Variants in XNDC1N observed in about 807,000 individuals in gnomAD.
The protein encoded by XNDC1N is XRCC1 N-terminal domain containing 1, N-terminal like.
the XNDC1N span, among the ~76,000 whole-genome samples, chr11:71,888,185 G>A: frequency 4.7e-4 from 72 of 151,996 alleles, no homozygotes; most frequent in Admixed American, 3.0e-3. Context: ...GTGTCCAAGA[G>A]GAAAGCTCAG....
At chr11:71,888,417 C>A in the XNDC1N span, among the ~76,000 whole-genome samples, 4 of 152,004 alleles carry the variant, frequency 2.6e-5, no homozygotes, top group Non-Finnish European at 5.9e-5. Context: ...GGGCGGGGAC[C>A]GGGAAACTTT....
At chr11:71,900,504 C>G in the XNDC1N span, among the ~76,000 whole-genome samples, 2 of 152,138 alleles carry the variant, frequency 1.3e-5, no homozygotes, top group East Asian at 1.9e-4. Context: ...GCAGACTGTG[C>G]AGTTTCTGTT....
chr11:71,868,799 C>T, the XNDC1N span, among the ~76,000 whole-genome samples: 1 of 152,140 alleles, frequency 6.6e-6, no homozygotes, highest in Non-Finnish European at 1.5e-5. Context: ...GGGTTCTCTG[C>T]ATTTCCTAAA....
chr11:71,903,546 GGCCTACGACCAGTTT>G, the XNDC1N span: 2 of 689,974 alleles, frequency 2.9e-6, no homozygotes, highest in Non-Finnish European at 5.3e-6. Context: ...TGAGTGTGAT[GGCCTACGACCAGTTT>G]GTAGCCATCT....
the XNDC1N span, among the ~76,000 whole-genome samples, chr11:71,907,341 G>A: frequency 2.6e-5 from 4 of 151,546 alleles, no homozygotes; most frequent in Admixed American, 6.5e-5. Context: ...CCCATCGCAG[G>A]GGGGTGAGGC....
At chr11:71,886,822 C>T in the XNDC1N span, among the ~76,000 whole-genome samples, 4 of 152,122 alleles carry the variant, frequency 2.6e-5, no homozygotes, top group Non-Finnish European at 5.9e-5. Context: ...GGAGGTCAGG[C>T]CCGGCGATAT....
the XNDC1N span, among the ~76,000 whole-genome samples, chr11:71,919,929 CTTTTTTTTTTTTTTTTTTTTTTTTTTTT>C: frequency 0.022 from 589 of 26,638 alleles, 17 homozygotes; most frequent in Middle Eastern, 0.075. Flanking sequence ...AAGCAGGCCT[CTTTTTTTTTTTTTTTTTTTTTTTTTTTT>C]TTTTTTTTTT....
the XNDC1N span, among the ~76,000 whole-genome samples, chr11:71,923,668 G>T: frequency 5.3e-5 from 8 of 151,666 alleles, no homozygotes; most frequent in East Asian, 1.5e-3. Flanking sequence ...CCATTCTCCT[G>T]CTTCAGCCTC....
the XNDC1N span, chr11:71,928,241 G>A: frequency 1.8e-6 from 1 of 546,212 alleles, no homozygotes; most frequent in Non-Finnish European, 3.3e-6. Context: ...AGTTTCGGGA[G>A]CTCAAGCCGC....
At chr11:71,922,101 G>A in the XNDC1N span, among the ~76,000 whole-genome samples, 570 of 152,042 alleles carry the variant, frequency 3.7e-3, 4 homozygotes, top group African/African-American at 0.013. Flanking sequence ...CAGAGGTTGT[G>A]GTGAGCCGAG....
chr11:71,871,087 A>T, the XNDC1N span, among the ~76,000 whole-genome samples: 1 of 152,232 alleles, frequency 6.6e-6, no homozygotes, highest in South Asian at 2.1e-4. Flanking sequence ...TTCCATGTTC[A>T]TTGCAGCACT....
the XNDC1N span, among the ~76,000 whole-genome samples, chr11:71,920,856 T>C: frequency 6.6e-6 from 1 of 152,162 alleles, no homozygotes; most frequent in South Asian, 2.1e-4. Flanking sequence ...TTTCAGCTAC[T>C]TGGGGGGCCA....
At chr11:71,896,593 C>T in the XNDC1N span, among the ~76,000 whole-genome samples, 37 of 152,168 alleles carry the variant, frequency 2.4e-4, no homozygotes, top group Non-Finnish European at 7.4e-5. Context: ...GATGGAGTTT[C>T]ACTCTTGTTG....
chr11:71,885,102 T>G, the XNDC1N span, among the ~76,000 whole-genome samples: 1 of 152,108 alleles, frequency 6.6e-6, no homozygotes, highest in Non-Finnish European at 1.5e-5. Context: ...GTGTACACCC[T>G]GGGTATACAG....
chr11:71,892,215 T>C, the XNDC1N span, among the ~76,000 whole-genome samples: 3 of 152,130 alleles, frequency 2.0e-5, no homozygotes, highest in African/African-American at 7.2e-5. Flanking sequence ...GTACACTCAC[T>C]GTGGTATTAG....
At chr11:71,880,691 A>C in the XNDC1N span, among the ~76,000 whole-genome samples, 1 of 152,112 alleles carries the variant, frequency 6.6e-6, no homozygotes, top group Non-Finnish European at 1.5e-5. Flanking sequence ...TGTATTCCAT[A>C]GGCTTTGGTA....
the XNDC1N span, among the ~76,000 whole-genome samples, chr11:71,906,752 C>A: frequency 6.7e-3 from 1,027 of 152,190 alleles, 2 homozygotes; most frequent in African/African-American, 0.016. Context: ...TGTGTGTACA[C>A]CCCGTGTGAC....
At chr11:71,891,081 C>T in the XNDC1N span, among the ~76,000 whole-genome samples, 6 of 151,874 alleles carry the variant, frequency 4.0e-5, no homozygotes, top group South Asian at 2.1e-4. Context: ...TGATATTCAA[C>T]GTAACCTTAT....
chr11:71,917,659 T>G, the XNDC1N span: 1 of 703,464 alleles, frequency 1.4e-6, no homozygotes. Flanking sequence ...GTTCTTCCCC[T>G]GCTTTGAATC....
Sources: allele counts gnomAD v4.1 joint callset (sites outside exome capture counted in the v4.1 genomes callset), GRCh38; gene constraint gnomAD v4.1.1; transcripts MANE v1.5; gene names NCBI Gene and HGNC (gene_info 2026-07-23, HGNC 2026-07-21).